Variants in UNC13C observed in about 807,000 individuals in gnomAD.
The protein encoded by UNC13C is unc-13 homolog C, also known as protein unc-13 homolog C.
Under a neutral mutation model 245.4 loss-of-function variants are expected in UNC13C, and 174 were observed. The ratio of observed to expected loss-of-function variants is 0.71; its 90% CI spans 0.63 to 0.80. The LOEUF is 0.80. Among genes scored for constraint, UNC13C ranks in the 30% least tolerant of loss-of-function variants. The pLI is 0.00. For synonymous variants in UNC13C, 992 were observed against 895.1 expected (o/e 1.11, Z -1.93); for missense variants, 2,829 against 2,602.9 (o/e 1.09, Z -1.89).
chr15:54,002,992 C>T (rs116697250), intron 1 of UNC13C, among the ~76,000 whole-genome samples: 3,001 of 152,210 alleles, frequency 0.02, 108 homozygotes, highest in African/African-American at 0.069. Flanking sequence ...TTGACCTTCC[C>T]AGCTTTCCTT....
chr15:53,911,564 G>C, the UNC13C span: 2 of 152,342 alleles, frequency 1.3e-5, no homozygotes, highest in African/African-American at 4.8e-5. Context: ...CTCCGCCTCT[G>C]AGATGGAGAA....
In UNC13C at chr15:54,346,564, G is replaced by A. The variant is rs972286536; in HGVS notation, c.4713+8075G>A. 3.3e-5 allele frequency among the ~76,000 whole-genome samples: 5 copies of A among 152,226 alleles called. No homozygotes were observed. The East Asian group carries it at 7.7e-4, about 23-fold the overall frequency. On this transcript the variant is annotated intron_variant, in intron 17 of 32. Coordinates refer to ENST00000260323, the MANE Select transcript of UNC13C (RefSeq NM_001080534.3). ...GGAATCATACTTTCTCCCTCCAGAG[G>A]GATTTTGAAGAACCATATAAAAATA...
intron 30 of UNC13C, among the ~76,000 whole-genome samples, chr15:54,615,371 C>A (rs753029371): frequency 1.3e-5 from 2 of 151,936 alleles, no homozygotes; most frequent in Admixed American, 6.6e-5. Context: ...GATGCATAGT[C>A]CCATGACTGA....
At chr15:54,356,828 C>T (rs1429630022) in intron 17 of UNC13C, among the ~76,000 whole-genome samples, 3 of 152,046 alleles carry the variant, frequency 2.0e-5, no homozygotes, top group Non-Finnish European at 2.9e-5. Flanking sequence ...AAAATTATTG[C>T]TGAGGAATTT....
chr15:54,234,215 A>G (rs1482684174), intron 4 of UNC13C, among the ~76,000 whole-genome samples: 1 of 148,358 alleles, frequency 6.7e-6, no homozygotes, highest in Non-Finnish European at 1.5e-5. Context: ...ACATATATAT[A>G]TAAGTTTAGT....
chr15:54,311,696 T>A (rs530105779), intron 13 of UNC13C, among the ~76,000 whole-genome samples: 25 of 151,924 alleles, frequency 1.6e-4, no homozygotes, highest in Admixed American at 1.3e-4. Context: ...AATTTTATTA[T>A]ACCATGAGGC....
chr15:54,319,709 A>T (rs550327317), intron 13 of UNC13C, among the ~76,000 whole-genome samples: 1 of 145,730 alleles, frequency 6.9e-6, no homozygotes, highest in South Asian at 2.1e-4. Context: ...GTGTTCAATA[A>T]TACAAAATTC....
At chr15:54,297,704 C>G in intron 11 of UNC13C, 107 bp from the exon 12 acceptor site, 1 of 767,674 alleles carries the variant, frequency 1.3e-6, no homozygotes, top group Non-Finnish European at 2.2e-6. Flanking sequence ...TAGCTTTTAG[C>G]TACTTAAGCC....
intron 4 of UNC13C, among the ~76,000 whole-genome samples, chr15:54,206,157 C>G (rs971446500): frequency 6.6e-6 from 1 of 151,906 alleles, no homozygotes; most frequent in Non-Finnish European, 1.5e-5. Context: ...ATCACAAAAA[C>G]TCAGAAATTA....
intron 2 of UNC13C, among the ~76,000 whole-genome samples, chr15:54,130,052 A>T (rs138485149): frequency 1.9e-3 from 280 of 150,368 alleles, no homozygotes; most frequent in African/African-American, 6.6e-3. Context: ...TATGCATGTG[A>T]TGTGTTTTAG....
At chr15:53,975,784 C>A (rs1268912567), upstream of UNC13C, among the ~76,000 whole-genome samples, 1 of 152,066 alleles carries the variant, frequency 6.6e-6, no homozygotes, top group Non-Finnish European at 1.5e-5. Flanking sequence ...TGAATGGTAC[C>A]CTAGAGGTTT....
At chr15:54,524,220 CTCTA>C (rs1353073817) in intron 24 of UNC13C, among the ~76,000 whole-genome samples, 2 of 149,566 alleles carry the variant, frequency 1.3e-5, no homozygotes, top group Admixed American at 1.3e-4. Flanking sequence ...TTATAGAAGT[CTCTA>C]TCTGTTATGA....
intron 2 of UNC13C, among the ~76,000 whole-genome samples, chr15:54,072,474 A>C (rs1166364749): frequency 6.6e-6 from 1 of 152,200 alleles, no homozygotes; most frequent in African/African-American, 2.4e-5. Flanking sequence ...CCAATAGAGC[A>C]TGAAGAGGGG....
Position 54,013,335 on chromosome 15 carries a change from AAC to A in UNC13C, c.440_441del (p.Thr147AsnfsTer4). 6.2e-7 allele frequency: 1 copy of A among 1,613,904 alleles called. No individual in the cohort carries two copies. The highest frequency in any genetic ancestry group is 1.3e-5 in the African/African-American group (1 of 75,044). On this transcript the variant is annotated frameshift_variant, in exon 2 of 33. Transcript: ENST00000260323. LOFTEE classifies it high-confidence loss of function. ...GTAGCACAGAAAACCAGGCACAATCAACACACACAATGCCAGTTAGACGCAAC... is the reference window on the plus strand; with the variant it reads ...GTAGCACAGAAAACCAGGCACAATCAACACACAATGCCAGTTAGACGCAAC... ...RSSTENQAQS[T>X]HTMPVRRNRK...
At chr15:54,379,350 A>G (rs1461448123) in intron 17 of UNC13C, among the ~76,000 whole-genome samples, 5 of 152,126 alleles carry the variant, frequency 3.3e-5, no homozygotes, top group Non-Finnish European at 5.9e-5. Flanking sequence ...TGAAAGATAC[A>G]TCTTTCATTA....
At chr15:54,276,487 G>T (rs957404530) in intron 10 of UNC13C, among the ~76,000 whole-genome samples, 15 of 152,000 alleles carry the variant, frequency 9.9e-5, no homozygotes, top group Non-Finnish European at 1.9e-4. Context: ...ATCCTTTGTG[G>T]TCTGGCATTA....
intron 7 of UNC13C, among the ~76,000 whole-genome samples, chr15:54,244,354 G>T (rs142815616): frequency 1.3e-5 from 2 of 152,050 alleles, no homozygotes; most frequent in Non-Finnish European, 2.9e-5. Flanking sequence ...TACCAGTACC[G>T]TGCTGTTTTG....
chr15:54,457,074 A>T (rs1006696525), intron 19 of UNC13C, among the ~76,000 whole-genome samples: 6 of 152,004 alleles, frequency 3.9e-5, no homozygotes, highest in African/African-American at 1.2e-4. Context: ...TTTACTGAGG[A>T]TTTTAATCAG....
chr15:54,590,743 G>A (rs997737255), intron 30 of UNC13C, among the ~76,000 whole-genome samples: 1 of 152,160 alleles, frequency 6.6e-6, no homozygotes, highest in Non-Finnish European at 1.5e-5. Context: ...AGCAAACAAG[G>A]ACAGGTTGAC....
Sources: gnomAD v4.1 joint callset for allele counts (sites outside exome capture counted in the v4.1 genomes callset) on GRCh38, gnomAD v4.1.1 for gene constraint, MANE v1.5 for transcripts, NCBI Gene and HGNC (gene_info 2026-07-23, HGNC 2026-07-21) for gene names.